DTNBP1: variants seen among roughly 807,000 people sequenced by gnomAD.
The protein encoded by DTNBP1 is dysbindin.
A neutral mutation model predicts 42.8 loss-of-function variants in DTNBP1; 35 were observed. The observed-to-expected ratio is 0.82, with a 90% CI of 0.63 to 1.09. The LOEUF (loss-of-function observed/expected upper bound fraction) is 1.09. Among genes scored for constraint, DTNBP1 ranks in the 50% least tolerant of loss-of-function variants. The pLI is 0.00. For missense variants in DTNBP1, 457 were observed against 424.2 expected (o/e 1.08, Z -0.68); for synonymous variants, 171 against 162.2 (o/e 1.05, Z -0.41).
chr6:15,538,427 A>G (rs1203060803), intron 7 of DTNBP1, among the ~76,000 whole-genome samples: 5 of 152,210 alleles, frequency 3.3e-5, no homozygotes. Context: ...GCCCTCACAC[A>G]GATTCTTCTC....
At chr6:15,640,751 T>C (rs561738390) in intron 3 of DTNBP1, among the ~76,000 whole-genome samples, 2 of 152,316 alleles carry the variant, frequency 1.3e-5, no homozygotes, top group African/African-American at 4.8e-5. Context: ...ATCTGTCTGA[T>C]GTAACTATTT....
chr6:15,644,129 T>C (rs914927703), intron 3 of DTNBP1, among the ~76,000 whole-genome samples: 14 of 150,320 alleles, frequency 9.3e-5, no homozygotes, highest in African/African-American at 3.4e-4. Flanking sequence ...AGAACAGAGG[T>C]TGCTACTCTT....
chr6:15,612,563 A>G (rs758042213), intron 6 of DTNBP1, among the ~76,000 whole-genome samples: 2 of 152,240 alleles, frequency 1.3e-5, no homozygotes, highest in Non-Finnish European at 2.9e-5. Flanking sequence ...CCATTTCTTT[A>G]TAGCTGCACA....
chr6:15,636,807 ACT>A (rs1468086630), intron 4 of DTNBP1, among the ~76,000 whole-genome samples: 51 of 151,598 alleles, frequency 3.4e-4, no homozygotes, highest in African/African-American at 1.1e-3. Context: ...TGTTTTAATG[ACT>A]CTGATTTCAG....
At chr6:15,525,804 C>T (rs1269388579) in intron 8 of DTNBP1, among the ~76,000 whole-genome samples, 1 of 152,194 alleles carries the variant, frequency 6.6e-6, no homozygotes, top group African/African-American at 2.4e-5. Context: ...AGCATCTGGT[C>T]ACATTTCCCC....
At chr6:15,584,389 A>G (rs780769878) in intron 7 of DTNBP1, among the ~76,000 whole-genome samples, 5 of 152,092 alleles carry the variant, frequency 3.3e-5, no homozygotes, top group Non-Finnish European at 7.4e-5. Context: ...CTATAAGTAA[A>G]TACTTTAAAA....
chr6:15,637,887 G>A, intron 3 of DTNBP1, 83 bp from the exon 4 acceptor site: 2 of 1,409,398 alleles, frequency 1.4e-6, no homozygotes, highest in Non-Finnish European at 2.0e-6. Flanking sequence ...GGAATATCCT[G>A]TGGTGCTAGA....
At chr6:15,602,576 G>C (rs1020532117) in intron 6 of DTNBP1, among the ~76,000 whole-genome samples, 4 of 151,994 alleles carry the variant, frequency 2.6e-5, no homozygotes, top group African/African-American at 9.7e-5. Context: ...ACAACTATGG[G>C]TCATAAAAAA....
At chr6:15,617,169 G>T (rs1758762749) in intron 5 of DTNBP1, among the ~76,000 whole-genome samples, 2 of 151,918 alleles carry the variant, frequency 1.3e-5, no homozygotes, top group South Asian at 4.2e-4. Flanking sequence ...TCAGATCAAG[G>T]GGATGAAAGA....
At chr6:15,654,201 A>C (rs1761162449) in intron 1 of DTNBP1, among the ~76,000 whole-genome samples, 1 of 152,244 alleles carries the variant, frequency 6.6e-6, no homozygotes, top group South Asian at 2.1e-4. Flanking sequence ...AAGTCTAGGA[A>C]ATTGTGTAAA....
intron 7 of DTNBP1, among the ~76,000 whole-genome samples, chr6:15,568,198 C>A (rs1775182489): frequency 6.6e-6 from 1 of 152,192 alleles, no homozygotes; most frequent in Non-Finnish European, 1.5e-5. Flanking sequence ...ATGTTCCTAT[C>A]CCTGAAGAAA....
intron 9 of DTNBP1, chr6:15,524,056 A>T: frequency 1.5e-6 from 2 of 1,299,840 alleles, no homozygotes; most frequent in Non-Finnish European, 2.0e-6. Context: ...GATGAAAGGA[A>T]CTGAAGTGCA....
At chr6:15,627,963 T>G (rs1367167190) in intron 4 of DTNBP1, among the ~76,000 whole-genome samples, 1 of 152,210 alleles carries the variant, frequency 6.6e-6, no homozygotes, top group Non-Finnish European at 1.5e-5. Context: ...GAATACTTAT[T>G]GCATAAAGTA....
At chr6:15,577,998 G>C (rs1775654379) in intron 7 of DTNBP1, among the ~76,000 whole-genome samples, 1 of 152,246 alleles carries the variant, frequency 6.6e-6, no homozygotes, top group Admixed American at 6.5e-5. Context: ...GAAAAGAATA[G>C]TGAAGTATGT....
At chr6:15,608,400 G>A (rs995715748) in intron 6 of DTNBP1, among the ~76,000 whole-genome samples, 4 of 152,138 alleles carry the variant, frequency 2.6e-5, no homozygotes, top group South Asian at 4.1e-4. Context: ...TTGCCACGCC[G>A]ATAAGACAAT....
intron 1 of DTNBP1, 111 bp downstream of exon 1, chr6:15,662,700 GTGC>G: frequency 1.4e-6 from 2 of 1,419,046 alleles, no homozygotes; most frequent in Non-Finnish European, 9.7e-7. Flanking sequence ...GGGCGGGGAG[GTGC>G]GGGACAGGAC....
chr6:15,594,473 A>C (rs1406271059), intron 6 of DTNBP1, among the ~76,000 whole-genome samples: 1 of 151,924 alleles, frequency 6.6e-6, no homozygotes, highest in African/African-American at 2.4e-5. Flanking sequence ...TCAAAAAAAA[A>C]AAAAACGAAA....
chr6:15,638,912 A>G (rs1335571950), intron 3 of DTNBP1, among the ~76,000 whole-genome samples: 1 of 149,860 alleles, frequency 6.7e-6, no homozygotes, highest in Non-Finnish European at 1.5e-5. Context: ...AGCTCACTGC[A>G]GCCTCAACCT....
chr6:15,637,955 C>T (rs1581422675), intron 3 of DTNBP1, 151 bp from the exon 4 acceptor site: 1 of 782,866 alleles, frequency 1.3e-6, no homozygotes, highest in Admixed American at 2.4e-5. Context: ...GTCAACTTGA[C>T]AGAGCTTCCA....
Sources: allele counts gnomAD v4.1 joint callset (sites outside exome capture counted in the v4.1 genomes callset), GRCh38; gene constraint gnomAD v4.1.1; transcripts MANE v1.5; gene names NCBI Gene and HGNC (gene_info 2026-07-23, HGNC 2026-07-21).